SRPK2: variants seen among roughly 807,000 people sequenced by gnomAD.
The protein encoded by SRPK2 is SFRS protein kinase 2.
A neutral mutation model predicts 90.8 loss-of-function variants in SRPK2; 21 were observed. That is an observed-to-expected ratio of 0.23 (90% CI 0.16 to 0.33). The LOEUF is 0.33. SRPK2 is among the 10% of genes least tolerant of loss of function. The pLI is 1.00. For missense variants in SRPK2, 620 were observed against 869.0 expected (o/e 0.71, Z 3.60); for synonymous variants, 288 against 311.1 (o/e 0.93, Z 0.78).
At chr7:105,207,290 C>T (rs963354537) in intron 2 of SRPK2, among the ~76,000 whole-genome samples, 5 of 152,198 alleles carry the variant, frequency 3.3e-5, no homozygotes, top group African/African-American at 4.8e-5. Context: ...GTGTGTGCCA[C>T]TGGGCCTGGC....
chr7:105,359,957 T>A (rs1026769476), intron 2 of SRPK2, among the ~76,000 whole-genome samples: 9 of 152,202 alleles, frequency 5.9e-5, no homozygotes, highest in Admixed American at 2.6e-4. Context: ...CTCGTTGATC[T>A]GTCTAATATT....
At chr7:105,200,208 G>A (rs1024856525) in intron 3 of SRPK2, among the ~76,000 whole-genome samples, 2 of 152,276 alleles carry the variant, frequency 1.3e-5, no homozygotes, top group East Asian at 1.9e-4. Context: ...AGGCTGGCAC[G>A]AGAATTGCTT....
At chr7:105,357,091 A>G (rs1476899548) in intron 2 of SRPK2, among the ~76,000 whole-genome samples, 1 of 150,022 alleles carries the variant, frequency 6.7e-6, no homozygotes, top group African/African-American at 2.5e-5. Context: ...GCTGGAGTGC[A>G]GTGGTGCGAT....
chr7:105,195,774 CTTATTA>C (rs1243731585), intron 3 of SRPK2, among the ~76,000 whole-genome samples: 3 of 152,160 alleles, frequency 2.0e-5, no homozygotes, highest in African/African-American at 7.2e-5. Flanking sequence ...CCTTTTCTCA[CTTATTA>C]TTAACGAACC....
chr7:105,193,093 C>T (rs1794505621), intron 3 of SRPK2, among the ~76,000 whole-genome samples: 2 of 152,158 alleles, frequency 1.3e-5, no homozygotes, highest in South Asian at 4.1e-4. Context: ...CATTTAGGTT[C>T]TTGATCATGA....
intron 2 of SRPK2, among the ~76,000 whole-genome samples, chr7:105,362,816 A>T (rs530903401): frequency 6.6e-6 from 1 of 152,362 alleles, no homozygotes; most frequent in East Asian, 1.9e-4. Flanking sequence ...TCAGTGATAG[A>T]CTGGATTAAG....
intron 2 of SRPK2, among the ~76,000 whole-genome samples, chr7:105,330,786 C>T (rs1172782582): frequency 6.6e-6 from 1 of 151,790 alleles, no homozygotes; most frequent in Admixed American, 6.6e-5. Flanking sequence ...TTGAAACCAG[C>T]CTAGGCAATA....
chr7:105,162,539 C>T (rs1429589148), intron 6 of SRPK2, among the ~76,000 whole-genome samples: 1 of 152,098 alleles, frequency 6.6e-6, no homozygotes, highest in Non-Finnish European at 1.5e-5. Context: ...ACTATAATAA[C>T]TGAATATGCT....
intron 2 of SRPK2, among the ~76,000 whole-genome samples, chr7:105,379,950 C>A (rs749716954): frequency 3.3e-5 from 5 of 152,020 alleles, no homozygotes; most frequent in Admixed American, 6.6e-5. Flanking sequence ...TGCACACCAG[C>A]CTAGCGAAAG....
At chr7:105,394,055 A>G (rs1386065614), upstream of SRPK2, among the ~76,000 whole-genome samples, 1 of 151,994 alleles carries the variant, frequency 6.6e-6, no homozygotes, top group Non-Finnish European at 1.5e-5. Context: ...TCCTGTCTCT[A>G]TAGGCTTGCC....
intron 2 of SRPK2, among the ~76,000 whole-genome samples, chr7:105,231,663 T>A (rs1476642426): frequency 6.6e-6 from 1 of 152,244 alleles, no homozygotes; most frequent in East Asian, 1.9e-4. Flanking sequence ...TCTCTAATGA[T>A]CTGAGATACT....
intron 2 of SRPK2, among the ~76,000 whole-genome samples, chr7:105,276,443 G>A (rs536770489): frequency 1.3e-5 from 2 of 151,758 alleles, no homozygotes; most frequent in Admixed American, 6.6e-5. Flanking sequence ...TTTAGACTAT[G>A]ACAAACAAAT....
Position 105,388,796 on chromosome 7 carries a change from C to G in SRPK2, c.11G>C (p.Arg4Pro). Residue 4 changes from arginine (R) to proline (P), a missense_variant, in exon 1 of 16, where the codon CGG (arginine) becomes CCG (proline). By Grantham distance (103) the Arg-to-Pro change is moderately radical. Coordinates refer to ENST00000393651, the MANE Select transcript of SRPK2 (RefSeq NM_182692.3). Reference protein sequence around the residue: MSSRKVLAIQARKR... With the variant: MSSPKVLAIQARKR... The stretch of plus-strand genomic sequence containing the variant: ...GCGCGCCGCGGGCCACTCACCTTTC[C>G]GGGAGCTCATTCCGACGCGGCGGAA... The G allele has an allele frequency of 6.8e-7, 1 of 1,471,158 alleles. No homozygotes were observed. Among genetic ancestry groups the G allele is most frequent in the South Asian group, 1.3e-5 (1 of 75,780 alleles). The allele number at this position is 1,471,158 out of a possible 1,614,324, so 91.1% of individuals were successfully genotyped here. A position where few individuals can be genotyped will look rare whatever the true frequency, so the allele number is the denominator to read the frequency against.
intron 15 of SRPK2, 69 bp downstream of exon 15, chr7:105,126,179 G>A: frequency 1.6e-6 from 2 of 1,261,844 alleles, no homozygotes; most frequent in South Asian, 2.4e-5. Context: ...CACCATTAAT[G>A]CTAAAATCAG....
chr7:105,251,376 TTTC>T (rs1237787892), intron 2 of SRPK2, among the ~76,000 whole-genome samples: 2 of 152,120 alleles, frequency 1.3e-5, no homozygotes, highest in Middle Eastern at 3.2e-3. Context: ...GCTTTTTTCT[TTTC>T]TTTTTTTAGA....
chr7:105,392,189 TGGG>T (rs1350790219), upstream of SRPK2, among the ~76,000 whole-genome samples: 1 of 152,064 alleles, frequency 6.6e-6, no homozygotes, highest in Admixed American at 6.6e-5. Flanking sequence ...TGCCAGGAGT[TGGG>T]GGGTGGGAGA....
At chr7:105,218,213 G>A (rs1797694895) in intron 2 of SRPK2, among the ~76,000 whole-genome samples, 1 of 152,202 alleles carries the variant, frequency 6.6e-6, no homozygotes, top group African/African-American at 2.4e-5. Context: ...ACCCTGGGGT[G>A]AAGAATTTGA....
At chr7:105,362,026 A>T (rs940654734) in intron 2 of SRPK2, among the ~76,000 whole-genome samples, 1 of 152,184 alleles carries the variant, frequency 6.6e-6, no homozygotes, top group African/African-American at 2.4e-5. Context: ...AACTACCATC[A>T]GAGTGAACAC....
At chr7:105,154,913 T>G (rs542762489) in intron 7 of SRPK2, among the ~76,000 whole-genome samples, 1 of 152,110 alleles carries the variant, frequency 6.6e-6, no homozygotes, top group South Asian at 2.1e-4. Context: ...GACCTCATGA[T>G]CTGCCCGCCT....
Sources: gnomAD v4.1 joint callset for allele counts (sites outside exome capture counted in the v4.1 genomes callset) on GRCh38, gnomAD v4.1.1 for gene constraint, MANE v1.5 for transcripts, NCBI Gene and HGNC (gene_info 2026-07-23, HGNC 2026-07-21) for gene names.